Variants in GRM7 observed in about 807,000 individuals in gnomAD.
GRM7 encodes the protein metabotropic glutamate receptor 7.
Under a neutral mutation model 84.5 loss-of-function variants are expected in GRM7, and 35 were observed. That is an observed-to-expected ratio of 0.41 (90% CI 0.32 to 0.55). The LOEUF (loss-of-function observed/expected upper bound fraction) is 0.55. GRM7 is among the 20% of genes least tolerant of loss of function. GRM7 has a pLI of 0.19. For missense variants in GRM7, 1,003 were observed against 1,194.6 expected (o/e 0.84, Z 2.36); for synonymous variants, 487 against 455.1 (o/e 1.07, Z -0.89).
Position 7,452,679 on chromosome 3 carries a change from A to C in GRM7, c.1247A>C (p.Tyr416Ser). The stretch of plus-strand genomic sequence containing the variant: ...GTCCAGTTCGTGATTGACGCAGTCT[A>C]TGCTATGGCTCACGCCCTTCACCAC... ...GKVQFVIDAV[Y>S]AMAHALHHMN... Residue 416 changes from tyrosine to serine, a missense_variant, in exon 6 of 10, where the codon TAT (tyrosine) becomes TCT (serine). Around this residue, in one of 2 missense-constraint regions of GRM7, gnomAD observed 910 missense variants for 1,126.0 expected, o/e 0.81. Transcript: ENST00000357716. 3 of 1,613,304 alleles carry C rather than the reference A, an allele frequency of 1.9e-6. No homozygotes were observed. The highest frequency in any genetic ancestry group is 2.5e-6 in the Non-Finnish European group (3 of 1,179,400).
intron 4 of GRM7, among the ~76,000 whole-genome samples, chr3:7,362,297 A>G (rs999524198): frequency 2.6e-5 from 4 of 152,082 alleles, no homozygotes; most frequent in Non-Finnish European, 5.9e-5. Flanking sequence ...GAAACACAGC[A>G]TAGCAGATTT....
intron 9 of GRM7, among the ~76,000 whole-genome samples, chr3:7,737,223 T>C (rs1702533795): frequency 6.6e-6 from 1 of 152,164 alleles, no homozygotes; most frequent in Admixed American, 6.5e-5. Context: ...TTACCTTTCT[T>C]AAGTAGCAAT....
intron 9 of GRM7, among the ~76,000 whole-genome samples, chr3:7,701,584 G>A (rs1701232066): frequency 6.6e-6 from 1 of 152,138 alleles, no homozygotes. Context: ...TTACAGGTGT[G>A]AGCCACCATG....
At chr3:6,931,446 C>T (rs900472360) in intron 1 of GRM7, among the ~76,000 whole-genome samples, 7 of 152,154 alleles carry the variant, frequency 4.6e-5, no homozygotes, top group Non-Finnish European at 1.0e-4. Context: ...CCTTCCATTA[C>T]GTGGCTGTAG....
At chr3:7,533,637 C>G (rs1012675639) in intron 7 of GRM7, among the ~76,000 whole-genome samples, 31 of 152,144 alleles carry the variant, frequency 2.0e-4, no homozygotes, top group Admixed American at 3.9e-4. Context: ...GAGGAAACCC[C>G]AATCCTGAAG....
chr3:7,168,652 C>G (rs191837494), intron 2 of GRM7, among the ~76,000 whole-genome samples: 95 of 152,202 alleles, frequency 6.2e-4, no homozygotes, highest in African/African-American at 2.2e-3. Context: ...AAAGACGACC[C>G]CATTCAAATA....
intron 2 of GRM7, among the ~76,000 whole-genome samples, chr3:7,229,755 A>ATTTTT (rs1266640710): frequency 1.1e-4 from 3 of 28,504 alleles, no homozygotes; most frequent in African/African-American, 4.1e-4. Context: ...ATATATATAT[A>ATTTTT]TATATTTTTT....
At chr3:6,887,179 T>A (rs1165141664) in intron 1 of GRM7, among the ~76,000 whole-genome samples, 4 of 152,114 alleles carry the variant, frequency 2.6e-5, no homozygotes, top group African/African-American at 9.7e-5. Flanking sequence ...TGAAGGAAAG[T>A]TGACTCTCTT....
chr3:7,441,846 T>G (rs1020329292), intron 5 of GRM7, among the ~76,000 whole-genome samples: 3 of 152,156 alleles, frequency 2.0e-5, no homozygotes, highest in African/African-American at 7.2e-5. Flanking sequence ...TGTGTCTGTT[T>G]TTGTGTCAGT....
At chr3:7,184,777 T>G (rs1695459466) in intron 2 of GRM7, among the ~76,000 whole-genome samples, 1 of 152,206 alleles carries the variant, frequency 6.6e-6, no homozygotes, top group Admixed American at 6.5e-5. Flanking sequence ...CGGATACTCC[T>G]TACATTACTC....
At chr3:7,112,935 A>G (rs2125036329) in intron 1 of GRM7, among the ~76,000 whole-genome samples, 1 of 152,268 alleles carries the variant, frequency 6.6e-6, no homozygotes, top group East Asian at 1.9e-4. Flanking sequence ...CTGTGACTCC[A>G]TAGAGAAAGA....
chr3:7,452,106 G>A (rs555771767), intron 5 of GRM7, among the ~76,000 whole-genome samples: 1 of 152,264 alleles, frequency 6.6e-6, no homozygotes, highest in East Asian at 1.9e-4. Flanking sequence ...GATTGTGAAA[G>A]GGAAGAGAAA....
intron 2 of GRM7, among the ~76,000 whole-genome samples, chr3:7,259,060 T>C (rs188566746): frequency 6.6e-6 from 1 of 152,228 alleles, no homozygotes; most frequent in Non-Finnish European, 1.5e-5. Flanking sequence ...GATAGAGCAC[T>C]TAAAGGCTGG....
At position 7,557,976 on chromosome 3, in the gene GRM7, G is replaced by GA. The variant is rs1693849677; in HGVS notation, c.1516-20445dup. 2.0e-5 allele frequency among the ~76,000 whole-genome samples: 3 copies of GA among 152,090 alleles called. No homozygotes were observed. In the South Asian group the frequency reaches 6.2e-4, roughly 31 times the overall value. On this transcript the variant is annotated intron_variant, in intron 7 of 9. Coordinates refer to ENST00000357716, the MANE Select transcript of GRM7 (RefSeq NM_000844.4). ...TCCTGTCTCTCCTCAAGAGAGAGTG[G>GA]AGGGAGTGACATTAAAATTAACATA...
At chr3:7,022,768 C>T (rs1695826841) in intron 1 of GRM7, among the ~76,000 whole-genome samples, 1 of 152,070 alleles carries the variant, frequency 6.6e-6, no homozygotes, top group Admixed American at 6.6e-5. Context: ...CAGGGGTCGT[C>T]TTTGTCCCTG....
intron 4 of GRM7, among the ~76,000 whole-genome samples, chr3:7,371,670 C>G (rs1694141355): frequency 6.6e-6 from 1 of 152,154 alleles, no homozygotes; most frequent in Non-Finnish European, 1.5e-5. Context: ...TTTTCTGTTT[C>G]TGTCTCTCTG....
rs562289178 is a variant in GRM7, at chr3:7,565,853, C to T, written c.1516-12569C>T. Among the ~76,000 whole-genome samples, 16 of 152,296 alleles carry T rather than the reference C, an allele frequency of 1.1e-4. No homozygotes were observed. The South Asian group carries it at 2.1e-3, about 20-fold the overall frequency. On this transcript the variant is annotated intron_variant, in intron 7 of 9. Coordinates refer to ENST00000357716, the MANE Select transcript of GRM7 (RefSeq NM_000844.4). ...ATGATTCAACTCTCTAAGGAAGTAACCTTTATCTGTTTTGCTCCTGGCAAG... is the reference window on the plus strand; with the variant it reads ...ATGATTCAACTCTCTAAGGAAGTAATCTTTATCTGTTTTGCTCCTGGCAAG...
intron 9 of GRM7, among the ~76,000 whole-genome samples, chr3:7,700,974 C>A (rs141375853): frequency 2.6e-4 from 39 of 152,252 alleles, no homozygotes; most frequent in African/African-American, 8.2e-4. Flanking sequence ...AAGCAAGCAT[C>A]CAGAAGGTGG....
intron 4 of GRM7, among the ~76,000 whole-genome samples, chr3:7,412,717 C>A (rs80133578): frequency 6.6e-6 from 1 of 152,056 alleles, no homozygotes; most frequent in Non-Finnish European, 1.5e-5. Flanking sequence ...TTCAGAAGCA[C>A]CTGGAGATTA....
Sources: allele counts gnomAD v4.1 joint callset (sites outside exome capture counted in the v4.1 genomes callset), GRCh38; gene constraint gnomAD v4.1.1; regional missense constraint gnomAD v4.1.1; transcripts MANE v1.5; gene names NCBI Gene and HGNC (gene_info 2026-07-23, HGNC 2026-07-21).